The following COL18A1 variants were observed in gnomAD, a reference collection of about 807,000 sequenced individuals.
The protein encoded by COL18A1 is collagen alpha-1(XVIII) chain.
In COL18A1, 133 loss-of-function variants were observed where a neutral mutation model predicts 168.0. The observed-to-expected ratio is 0.79, with a 90% CI of 0.69 to 0.91. The LOEUF (loss-of-function observed/expected upper bound fraction) is 0.91. Ranked by LOEUF, COL18A1 falls within the 40% of genes least tolerant of loss-of-function variation. The pLI is 0.00. For synonymous variants in COL18A1, 949 were observed against 809.0 expected (o/e 1.17, Z -2.94); for missense variants, 2,126 against 1,925.4 (o/e 1.10, Z -1.95).
At chr21:45,478,733 C>T (rs572334339) in intron 9 of COL18A1, among the ~76,000 whole-genome samples, 2 of 151,932 alleles carry the variant, frequency 1.3e-5, no homozygotes, top group South Asian at 2.1e-4. Flanking sequence ...CGAGCTTCGT[C>T]GCAAAACACG....
At chr21:45,472,784 G>A (rs1056340845) in intron 3 of COL18A1, among the ~76,000 whole-genome samples, 8 of 147,494 alleles carry the variant, frequency 5.4e-5, no homozygotes, top group Admixed American at 6.6e-5. Context: ...GGGAAACCCA[G>A]GGGGCCCACA....
At chr21:45,447,710 G>A (rs1488589294) in intron 2 of COL18A1, among the ~76,000 whole-genome samples, 3 of 152,136 alleles carry the variant, frequency 2.0e-5, no homozygotes, top group Admixed American at 6.5e-5. Flanking sequence ...AAAATCGGGG[G>A]ACCTCTTGGC....
At position 45,450,439 on chromosome 21, in the gene COL18A1, T is replaced by A. The variant is rs367986467; in HGVS notation, c.107-17803T>A. Among the ~76,000 whole-genome samples, 66 of 152,318 alleles carry A rather than the reference T, an allele frequency of 4.3e-4. No individual in the cohort carries two copies. The East Asian group carries it at 8.9e-3, about 20-fold the overall frequency. On this transcript the variant is annotated intron_variant, in intron 2 of 41. Transcript: ENST00000651438. ...GAAGCAGGAGGGACGCCTCTGACGA[T>A]TGAACAGCCCGGAGCCTCAAAGCTA...
chr21:45,503,552 C>T (rs989329440), intron 32 of COL18A1, among the ~76,000 whole-genome samples: 37 of 147,918 alleles, frequency 2.5e-4, no homozygotes, highest in South Asian at 1.9e-3. Flanking sequence ...AACCAAACAC[C>T]GCATATTCTC....
At chr21:45,421,901 A>G (rs2033635495) in intron 2 of COL18A1, among the ~76,000 whole-genome samples, 1 of 152,126 alleles carries the variant, frequency 6.6e-6, no homozygotes, top group African/African-American at 2.4e-5. Flanking sequence ...GACCTGTGTC[A>G]TATGTGCGGC....
chr21:45,478,955 C>T lies in COL18A1; in HGVS notation c.1248+602C>T, dbSNP rs184996370. Among the ~76,000 whole-genome samples the T allele has an allele frequency of 3.3e-5, 5 of 152,338 alleles. No individual in the cohort carries two copies. The East Asian group carries it at 5.8e-4, about 18-fold the overall frequency. ...AGGGCATCTCATGGTGCCCACCGAA[C>T]GGTCATTACCGACCGCCTGGCACCC... On this transcript the variant is annotated intron_variant, in intron 9 of 41. Coordinates refer to ENST00000651438, the MANE Select transcript of COL18A1 (RefSeq NM_001379500.1).
chr21:45,482,635 G>T (rs1313560967), intron 14 of COL18A1, among the ~76,000 whole-genome samples, 160 bp from the exon 15 acceptor site: 1 of 152,210 alleles, frequency 6.6e-6, no homozygotes, highest in Non-Finnish European at 1.5e-5. Context: ...CACCAGAAAG[G>T]GGGGATGACA....
chr21:45,496,823 C>G (rs4818783), intron 30 of COL18A1, among the ~76,000 whole-genome samples: 19,766 of 152,260 alleles, frequency 0.13, 1,436 homozygotes, highest in South Asian at 0.16. Context: ...CTAGGGGCAC[C>G]CCCATTTTCC....
At chr21:45,460,804 T>A in intron 2 of COL18A1, among the ~76,000 whole-genome samples, 1 of 152,216 alleles carries the variant, frequency 6.6e-6, no homozygotes, top group Non-Finnish European at 1.5e-5. Context: ...TTCTCGTAAA[T>A]TCTCCATGCC....
rs538020393 is a variant in COL18A1 at position 45,425,812 on chromosome 21, G to A, written c.106+20339G>A. ...AAAGCCAGAGCGCCAAGGGCTCTCG[G>A]GATTCACGAGATCCACATTTATCCC... On this transcript the variant is annotated intron_variant, in intron 2 of 41. Transcript: ENST00000651438. The surrounding 1 kb of genome is among the most constrained non-coding windows in gnomAD (Gnocchi z 4.1). Among the ~76,000 whole-genome samples, 17 of 151,700 alleles carry A rather than the reference G, an allele frequency of 1.1e-4. No homozygotes were observed. The highest frequency in any genetic ancestry group is 3.4e-3 in the Middle Eastern group (1 of 294).
At chr21:45,474,584 G>A (rs574653240) in intron 4 of COL18A1, among the ~76,000 whole-genome samples, 1 of 152,306 alleles carries the variant, frequency 6.6e-6, no homozygotes, top group East Asian at 1.9e-4. Context: ...TGTGTGGCGT[G>A]TGTGTTGGTG....
At chr21:45,432,773 G>C (rs11909029) in intron 2 of COL18A1, among the ~76,000 whole-genome samples, 19,349 of 152,208 alleles carry the variant, frequency 0.13, 1,748 homozygotes, top group African/African-American at 0.23. Flanking sequence ...GTCAGGGTGG[G>C]ACATGGCCCC....
chr21:45,413,199 G>A lies in COL18A1; in HGVS notation c.106+7726G>A, dbSNP rs76701795. Reference sequence around the variant, plus strand: ...TAGGAGGGACTGGTTTGCAACGTGAGTAAAATGGGTCCCCGTGAGCAGACA... The same window carrying A: ...TAGGAGGGACTGGTTTGCAACGTGAATAAAATGGGTCCCCGTGAGCAGACA... On this transcript the variant is annotated intron_variant, in intron 2 of 41. Transcript: ENST00000651438. Among the ~76,000 whole-genome samples, 325 of 152,362 alleles carry A rather than the reference G, an allele frequency of 2.1e-3. 6 individuals are homozygous for A. The East Asian group carries it at 0.054, about 25-fold the overall frequency.
intron 2 of COL18A1, among the ~76,000 whole-genome samples, chr21:45,465,974 A>G (rs947710065): frequency 6.6e-6 from 1 of 152,056 alleles, no homozygotes; most frequent in African/African-American, 2.4e-5. Context: ...TGGAGAGCCC[A>G]GTTTGGGGAG....
intron 2 of COL18A1, among the ~76,000 whole-genome samples, chr21:45,452,165 C>A (rs1243172982): frequency 6.6e-6 from 1 of 152,278 alleles, no homozygotes; most frequent in Non-Finnish European, 1.5e-5. Flanking sequence ...GAACGAGCCA[C>A]AGTCGGGCCC....
intron 2 of COL18A1, among the ~76,000 whole-genome samples, chr21:45,444,025 TC>T (rs2034451217): frequency 6.6e-6 from 1 of 152,174 alleles, no homozygotes; most frequent in South Asian, 2.1e-4. Flanking sequence ...GAATTCAGTG[TC>T]CCTCTGTGGG....
At chr21:45,466,140 A>G (rs78713268) in intron 2 of COL18A1, among the ~76,000 whole-genome samples, 4,445 of 152,238 alleles carry the variant, frequency 0.029, 233 homozygotes, top group African/African-American at 0.1. Context: ...CTGCCACTGC[A>G]GAAGGGATGG....
intron 15 of COL18A1, among the ~76,000 whole-genome samples, chr21:45,485,221 G>GA (rs1180945183): frequency 7.5e-6 from 1 of 133,998 alleles, no homozygotes; most frequent in East Asian, 2.2e-4. Context: ...GGCTGGTCTC[G>GA]AACTCCTGCC....
At chr21:45,447,115 C>T (rs1194001257) in intron 2 of COL18A1, among the ~76,000 whole-genome samples, 2 of 151,904 alleles carry the variant, frequency 1.3e-5, no homozygotes, top group Non-Finnish European at 2.9e-5. Flanking sequence ...AGGTTCTAGC[C>T]ACGAAAGTTA....
Sources: allele counts gnomAD v4.1 joint callset (sites outside exome capture counted in the v4.1 genomes callset), GRCh38; gene constraint gnomAD v4.1.1; non-coding constraint Gnocchi (gnomAD v3.1); transcripts MANE v1.5; gene names NCBI Gene and HGNC (gene_info 2026-07-23, HGNC 2026-07-21).